Variants in ATP10A observed in about 807,000 individuals in gnomAD.
ATP10A encodes the protein phospholipid-transporting ATPase VA.
Under a neutral mutation model 147.8 loss-of-function variants are expected in ATP10A, and 111 were observed. The ratio of observed to expected loss-of-function variants is 0.75; its 90% confidence interval spans 0.64 to 0.88. The LOEUF (loss-of-function observed/expected upper bound fraction) is 0.88. Among genes scored for constraint, ATP10A ranks in the 40% least tolerant of loss-of-function variants. The probability of loss-of-function intolerance (pLI) is 0.00; values close to 1 mark genes in which losing one functional copy is unlikely to be tolerated. For missense variants in ATP10A, 1,927 were observed against 1,959.0 expected (o/e 0.98, Z 0.31); for synonymous variants, 875 against 841.6 (o/e 1.04, Z -0.69).
At chr15:25,673,051 ATGAGCAGGGCCAG>A (rs1899072580), downstream of ATP10A, among the ~76,000 whole-genome samples, 1 of 152,136 alleles carries the variant, frequency 6.6e-6, no homozygotes. Flanking sequence ...GCAAGGGCCA[ATGAGCAGGGCCAG>A]TGAGCAGCAT....
Position 25,733,174 on chromosome 15 carries a change from C to T in ATP10A, c.740+2882G>A, listed in dbSNP as rs149872587. On this transcript the variant is annotated intron_variant, in intron 3 of 20. Transcript: ENST00000555815. Reference sequence around the variant, plus strand: ...GGGCTCTGTGGTGTGAAGGAGGTTACGGGGCAGCAGCTGCCTCATGGAGGC... The same window carrying T: ...GGGCTCTGTGGTGTGAAGGAGGTTATGGGGCAGCAGCTGCCTCATGGAGGC... Among the ~76,000 whole-genome samples the T allele has an allele frequency of 5.3e-3, 812 of 152,156 alleles. 11 individuals carry two copies. The highest frequency in any genetic ancestry group is 0.018 in the African/African-American group (765 of 41,504).
intron 1 of ATP10A, among the ~76,000 whole-genome samples, chr15:25,813,321 C>A (rs1277322833): frequency 6.6e-6 from 1 of 152,116 alleles, no homozygotes; most frequent in Non-Finnish European, 1.5e-5. Context: ...GGGGAAAATG[C>A]CTGGATTAAA....
intron 12 of ATP10A, among the ~76,000 whole-genome samples, chr15:25,705,286 T>C (rs1290017378): frequency 6.6e-6 from 1 of 151,008 alleles, no homozygotes; most frequent in African/African-American, 2.4e-5. Context: ...AAAGTAAAAA[T>C]TTATCTGGGC....
chr15:25,721,546 G>A (rs1440852346), intron 7 of ATP10A, 111 bp downstream of exon 7: 14 of 89,540 alleles, frequency 1.6e-4, no homozygotes, highest in Non-Finnish European at 2.0e-4. Flanking sequence ...CCTGAAGCGT[G>A]TGTGTGTGTG....
chr15:25,680,074 C>A, intron 20 of ATP10A, 47 bp downstream of exon 20: 1 of 1,598,934 alleles, frequency 6.3e-7, no homozygotes, highest in South Asian at 1.1e-5. Flanking sequence ...CCAATGTCGT[C>A]TGGGCTCACT....
chr15:25,729,462 C>T (rs1236808245), intron 3 of ATP10A, among the ~76,000 whole-genome samples: 2 of 152,238 alleles, frequency 1.3e-5, no homozygotes, highest in Non-Finnish European at 2.9e-5. Flanking sequence ...CTGGAGCCGG[C>T]AACACACGCT....
chr15:25,758,836 A>C (rs1429175694), intron 2 of ATP10A, among the ~76,000 whole-genome samples: 6 of 69,828 alleles, frequency 8.6e-5, no homozygotes, highest in East Asian at 4.7e-4. Flanking sequence ...GCTCCACCCT[A>C]ACTCATTCCG....
At chr15:25,818,074 A>T (rs1674815894) in intron 1 of ATP10A, among the ~76,000 whole-genome samples, 1 of 149,658 alleles carries the variant, frequency 6.7e-6, no homozygotes, top group African/African-American at 2.5e-5. Context: ...GCTTTTAAAA[A>T]ATTATTTTTA....
At chr15:25,708,512 G>T in intron 10 of ATP10A, 1 of 523,126 alleles carries the variant, frequency 1.9e-6, no homozygotes, top group Non-Finnish European at 3.4e-6. Context: ...ATAGAGACAG[G>T]GTTTTGCCAC....
In ATP10A at chr15:25,755,564, G is replaced by A. The variant is rs967841257; in HGVS notation, c.655-19423C>T. 5.3e-5 allele frequency among the ~76,000 whole-genome samples: 8 copies of A among 152,250 alleles called. No individual in the cohort carries two copies. The East Asian group carries it at 1.2e-3, about 22-fold the overall frequency. ...CGAAAACAACAGTTTCCAAAAAATC[G>A]TTGCCACTTGTGCAAACAACCAGGA... On this transcript the variant is annotated intron_variant, in intron 2 of 20. Coordinates refer to ENST00000555815, the MANE Select transcript of ATP10A (RefSeq NM_024490.4).
At chr15:25,792,642 G>A (rs1385755702) in intron 1 of ATP10A, among the ~76,000 whole-genome samples, 2 of 152,162 alleles carry the variant, frequency 1.3e-5, no homozygotes, top group Non-Finnish European at 2.9e-5. Flanking sequence ...TGGTGAGGGT[G>A]AGGCCCGCGT....
intron 1 of ATP10A, among the ~76,000 whole-genome samples, chr15:25,859,581 C>T (rs796821382): frequency 6.6e-6 from 1 of 152,054 alleles, no homozygotes; most frequent in Non-Finnish European, 1.5e-5. Flanking sequence ...CCTAACCCCC[C>T]CAGAATCACC....
intron 3 of ATP10A, among the ~76,000 whole-genome samples, chr15:25,730,505 A>T (rs1902915892): frequency 6.6e-6 from 1 of 152,076 alleles, no homozygotes; most frequent in Non-Finnish European, 1.5e-5. Context: ...CATGGCAGTG[A>T]CTGCTCAGCG....
intron 1 of ATP10A, among the ~76,000 whole-genome samples, chr15:25,812,452 A>C (rs1460966993): frequency 2.6e-5 from 4 of 152,212 alleles, no homozygotes; most frequent in Non-Finnish European, 2.9e-5. Flanking sequence ...TTTTCATTCA[A>C]AGCGAGGGAA....
chr15:25,705,008 C>T (rs528040621), intron 12 of ATP10A, among the ~76,000 whole-genome samples: 17 of 152,214 alleles, frequency 1.1e-4, no homozygotes, highest in Admixed American at 1.3e-4. Context: ...GCAAGGACGC[C>T]GGGGAAAATG....
At chr15:25,839,645 C>A (rs1892728820) in intron 1 of ATP10A, among the ~76,000 whole-genome samples, 1 of 152,222 alleles carries the variant, frequency 6.6e-6, no homozygotes, top group Non-Finnish European at 1.5e-5. Flanking sequence ...ACCTGGGCAA[C>A]ATGTGTACTG....
intron 2 of ATP10A, among the ~76,000 whole-genome samples, chr15:25,766,767 C>T (rs1009103551): frequency 6.6e-6 from 1 of 152,058 alleles, no homozygotes; most frequent in African/African-American, 2.4e-5. Flanking sequence ...CCTCGGGCCT[C>T]AGCAAAACAT....
At chr15:25,703,949 T>G (rs1211824708) in intron 12 of ATP10A, among the ~76,000 whole-genome samples, 1 of 152,224 alleles carries the variant, frequency 6.6e-6, no homozygotes, top group African/African-American at 2.4e-5. Context: ...CTGAGTACCC[T>G]GGGAAGACCA....
Position 25,721,643 on chromosome 15 carries a change from A to AC in ATP10A, c.1363+13dup, listed in dbSNP as rs780224901. 1.2e-6 allele frequency: 2 copies of AC among 1,605,402 alleles called. No homozygotes were observed. Among genetic ancestry groups the AC allele is most frequent in the African/African-American group, 1.4e-5 (1 of 74,066 alleles). On this transcript the variant is annotated intron_variant, in intron 7 of 20. Transcript: ENST00000555815. Reference sequence around the variant, plus strand: ...GTTCAGCCTGGGTTGGGAGCCCCGCACCCCCAGACTCACCATTTGCATCAT... The same window carrying AC: ...GTTCAGCCTGGGTTGGGAGCCCCGCACCCCCCAGACTCACCATTTGCATCAT...
Sources: allele counts gnomAD v4.1 joint callset (sites outside exome capture counted in the v4.1 genomes callset), GRCh38; gene constraint gnomAD v4.1.1; transcripts MANE v1.5; gene names NCBI Gene and HGNC (gene_info 2026-07-23, HGNC 2026-07-21).